BBX: variants seen among roughly 807,000 people sequenced by gnomAD.
BBX encodes BBX high mobility group box domain containing, also known as HMG box transcription factor BBX.
BBX carries 30 observed loss-of-function variants against 100.2 expected under a neutral mutation model. The observed-to-expected ratio is 0.30, with a 90% CI of 0.22 to 0.41. The LOEUF is 0.41. Ranked by LOEUF, BBX falls within the 10% of genes least tolerant of loss-of-function variation. The probability of loss-of-function intolerance (pLI) is 1.00; values close to 1 mark genes in which losing one functional copy is unlikely to be tolerated. For missense variants in BBX, 1,023 were observed against 1,129.8 expected, an observed-to-expected ratio of 0.91 and a Z score of 1.35; for synonymous variants, 376 against 388.1, an observed-to-expected ratio of 0.97 and a Z score of 0.37.
intron 2 of BBX, among the ~76,000 whole-genome samples, chr3:107,601,887 A>G (rs2054090621): frequency 6.6e-6 from 1 of 152,236 alleles, no homozygotes; most frequent in Non-Finnish European, 1.5e-5. Context: ...GTCAATGCCT[A>G]GCTTCAAAGA....
At chr3:107,799,159 A>C (rs2070124857) in intron 16 of BBX, among the ~76,000 whole-genome samples, 1 of 151,780 alleles carries the variant, frequency 6.6e-6, no homozygotes, top group South Asian at 2.1e-4. Flanking sequence ...CAAAAAAAAA[A>C]ACAACAACAA....
At chr3:107,567,302 G>GTA (rs1279744877) in intron 2 of BBX, among the ~76,000 whole-genome samples, 1 of 152,018 alleles carries the variant, frequency 6.6e-6, no homozygotes, top group Non-Finnish European at 1.5e-5. Flanking sequence ...AGCCTTCATA[G>GTA]TATTACTTAT....
intron 2 of BBX, among the ~76,000 whole-genome samples, chr3:107,540,114 T>C (rs760847569): frequency 6.6e-6 from 1 of 152,166 alleles, no homozygotes; most frequent in Non-Finnish European, 1.5e-5. Flanking sequence ...GATATATTAG[T>C]TGGACAGTGT....
At chr3:107,705,221 C>T (rs188570355) in intron 3 of BBX, among the ~76,000 whole-genome samples, 21 of 151,878 alleles carry the variant, frequency 1.4e-4, no homozygotes, top group African/African-American at 4.6e-4. Context: ...CAGAAGAGGC[C>T]CTATTTGTGG....
At chr3:107,738,885 TGAG>T (rs980437958) in intron 7 of BBX, among the ~76,000 whole-genome samples, 1 of 152,150 alleles carries the variant, frequency 6.6e-6, no homozygotes. Flanking sequence ...ATTTTGTAAA[TGAG>T]GAAACTAGGT....
At chr3:107,618,603 C>T (rs897084888) in intron 2 of BBX, among the ~76,000 whole-genome samples, 2 of 151,980 alleles carry the variant, frequency 1.3e-5, no homozygotes, top group African/African-American at 4.8e-5. Flanking sequence ...TTTTCATGTT[C>T]ACTTGTTTCA....
chr3:107,702,558 T>C (rs1370201317), intron 3 of BBX, among the ~76,000 whole-genome samples: 1 of 152,170 alleles, frequency 6.6e-6, no homozygotes, highest in Non-Finnish European at 1.5e-5. Flanking sequence ...GAACATCTAT[T>C]CCCTGTCTAG....
At chr3:107,678,124 T>TC in intron 3 of BBX, among the ~76,000 whole-genome samples, 1 of 152,246 alleles carries the variant, frequency 6.6e-6, no homozygotes, top group East Asian at 1.9e-4. Context: ...CAACCTTTTT[T>TC]CCCACTTATC....
chr3:107,772,874 A>C lies in BBX; in HGVS notation c.1153A>C (p.Lys385Gln). 6.2e-7 allele frequency: 1 copy of C among 1,612,894 alleles called. No homozygotes were observed. ...GCAAATAGATGACATAATGGCTATA[A>C]AAATGGAAGATCCCAAAGAAATTAG... ...ALQIDDIMAI[K>Q]MEDPKEIRKE... Residue 385 changes from lysine to glutamine, a missense_variant, in exon 11 of 18, where the codon AAA becomes CAA. Lys to Gln is a moderately conservative substitution (Grantham distance 53). Around this residue, in one of 9 missense-constraint regions of BBX, gnomAD observed 348 missense variants for 353.2 expected, o/e 0.99. Coordinates refer to ENST00000325805, the MANE Select transcript of BBX (RefSeq NM_001142568.3).
intron 2 of BBX, among the ~76,000 whole-genome samples, chr3:107,632,820 T>C (rs2056626914): frequency 6.6e-6 from 1 of 152,200 alleles, no homozygotes; most frequent in South Asian, 2.1e-4. Flanking sequence ...GATAATGAAA[T>C]AAAAATGTGA....
intron 2 of BBX, among the ~76,000 whole-genome samples, chr3:107,562,355 G>A (rs932460210): frequency 6.6e-6 from 1 of 152,104 alleles, no homozygotes; most frequent in African/African-American, 2.4e-5. Context: ...ATAGAGGGCA[G>A]ATGTAGAGTG....
At chr3:107,803,491 A>G (rs928397100) in intron 17 of BBX, among the ~76,000 whole-genome samples, 4 of 152,224 alleles carry the variant, frequency 2.6e-5, no homozygotes. Flanking sequence ...GTGGAAATAT[A>G]CGACCTGCAC....
At chr3:107,683,734 A>G (rs573857685) in intron 3 of BBX, among the ~76,000 whole-genome samples, 4 of 152,252 alleles carry the variant, frequency 2.6e-5, no homozygotes, top group African/African-American at 9.6e-5. Context: ...ATTCATACAA[A>G]ACTCTGTTTT....
Position 107,809,535 on chromosome 3 carries a change from A to G in BBX, c.*4078A>G, listed in dbSNP as rs545525223. ...CATATAAGGCCAATCCTAATGGGCTACCTCGGCTTTAAAAGTTAATTTCAG... is the reference window on the plus strand; with the variant it reads ...CATATAAGGCCAATCCTAATGGGCTGCCTCGGCTTTAAAAGTTAATTTCAG... On this transcript the variant is annotated 3_prime_UTR_variant, in exon 18 of 18. Transcript: ENST00000325805. 6.6e-6 allele frequency: 1 copy of G among 152,336 alleles called. No homozygotes were observed. The highest frequency in any genetic ancestry group is 1.5e-5 in the Non-Finnish European group (1 of 68,034). The allele number at this position is 152,336 out of a possible 1,614,324, so 9.4% of individuals were successfully genotyped here.
chr3:107,606,170 A>G (rs186791179), intron 2 of BBX, among the ~76,000 whole-genome samples: 69 of 152,318 alleles, frequency 4.5e-4, no homozygotes, highest in African/African-American at 1.6e-3. Context: ...TATGTATCTA[A>G]CCCAAATGTT....
intron 12 of BBX, chr3:107,776,288 A>C (rs546971213): frequency 2.0e-5 from 3 of 152,128 alleles, no homozygotes; most frequent in Non-Finnish European, 4.4e-5. Flanking sequence ...ATTTTCATCA[A>C]TTTTCTTTGA....
chr3:107,685,372 C>T (rs1289571275), intron 3 of BBX, among the ~76,000 whole-genome samples: 1 of 152,156 alleles, frequency 6.6e-6, no homozygotes, highest in African/African-American at 2.4e-5. Flanking sequence ...TTTGGGGCCA[C>T]ATTAGGCTAT....
chr3:107,646,026 ATTT>A (rs1352758835), intron 3 of BBX, 117 bp downstream of exon 3: 1 of 152,360 alleles, frequency 6.6e-6, no homozygotes. Context: ...ATCATTGGAT[ATTT>A]TTTTCTTGTC....
At chr3:107,559,026 G>A (rs1037990574) in intron 2 of BBX, among the ~76,000 whole-genome samples, 1 of 152,164 alleles carries the variant, frequency 6.6e-6, no homozygotes, top group Non-Finnish European at 1.5e-5. Context: ...CTGAGAAAAG[G>A]CATAGTGGCA....
Sources: allele counts gnomAD v4.1 joint callset (sites outside exome capture counted in the v4.1 genomes callset), GRCh38; gene constraint gnomAD v4.1.1; regional missense constraint gnomAD v4.1.1; transcripts MANE v1.5; gene names NCBI Gene and HGNC (gene_info 2026-07-23, HGNC 2026-07-21).